Variants in TMX3 observed in about 807,000 individuals in gnomAD.
The protein encoded by TMX3 is thioredoxin related transmembrane protein 3.
A neutral mutation model predicts 64.4 loss-of-function variants in TMX3; 40 were observed. That is an observed-to-expected ratio of 0.62 (90% CI 0.48 to 0.81). The LOEUF (loss-of-function observed/expected upper bound fraction) is 0.81. TMX3 is among the 30% of genes least tolerant of loss of function. The pLI is 0.00. For synonymous variants in TMX3, 189 were observed against 175.7 expected (o/e 1.08, Z -0.60); for missense variants, 497 against 534.5 (o/e 0.93, Z 0.69).
chr18:68,687,494 G>A (rs907724656), intron 10 of TMX3, 173 bp downstream of exon 10: 1 of 985,080 alleles, frequency 1.0e-6, no homozygotes, highest in African/African-American at 1.7e-5. Flanking sequence ...ACATGCAAAG[G>A]TATATCTTCT....
intron 9 of TMX3, among the ~76,000 whole-genome samples, chr18:68,690,591 T>C (rs78321735): frequency 0.047 from 7,191 of 152,278 alleles, 452 homozygotes; most frequent in African/African-American, 0.14. Flanking sequence ...GTGGTTTATC[T>C]AAAAATAAAA....
chr18:68,687,169 T>C, intron 10 of TMX3: 1 of 985,310 alleles, frequency 1.0e-6, no homozygotes, highest in Non-Finnish European at 1.2e-6. Context: ...ATTTTTATAG[T>C]TTGCATCTGA....
At chr18:68,688,091 T>C (rs758771840) in intron 9 of TMX3, 4 of 172,552 alleles carry the variant, frequency 2.3e-5, no homozygotes, top group Middle Eastern at 2.7e-3. Flanking sequence ...AAACTTATAA[T>C]TGAACAGATT....
chr18:68,701,509 G>T, intron 5 of TMX3: 1 of 801,218 alleles, frequency 1.2e-6, no homozygotes, highest in Non-Finnish European at 1.9e-6. Context: ...GTCCTGCACA[G>T]TGCGTGTCAC....
Position 68,676,749 on chromosome 18 carries a change from G to A in TMX3, c.*184C>T. 1.4e-6 allele frequency: 1 copy of A among 693,350 alleles called. No individual in the cohort carries two copies. Among genetic ancestry groups the A allele is most frequent in the Non-Finnish European group, 2.3e-6 (1 of 428,838 alleles). The allele number at this position is 693,350 out of a possible 1,614,324, so 42.9% of individuals were successfully genotyped here. Reference sequence around the variant, plus strand: ...GCTCTGTGTTTGTTTCAGACAAACTGTTCATCTCTTTGCTCCAAACACTTC... The same window carrying A: ...GCTCTGTGTTTGTTTCAGACAAACTATTCATCTCTTTGCTCCAAACACTTC... On this transcript the variant is annotated 3_prime_UTR_variant, in exon 16 of 16. Coordinates refer to ENST00000299608, the MANE Select transcript of TMX3 (RefSeq NM_019022.5).
At chr18:68,693,319 T>C (rs1001730365) in intron 8 of TMX3, among the ~76,000 whole-genome samples, 1 of 152,086 alleles carries the variant, frequency 6.6e-6, no homozygotes, top group Non-Finnish European at 1.5e-5. Flanking sequence ...TCCTACCTGC[T>C]ACCAAGTTCG....
Position 68,697,311 on chromosome 18 carries a change from G to A in TMX3, c.493-8C>T. On this transcript the variant is annotated splice_region_variant and splice_polypyrimidine_tract_variant and intron_variant, in intron 7 of 15. Coordinates refer to ENST00000299608, the MANE Select transcript of TMX3 (RefSeq NM_019022.5). ...AGCATCTATGTATTTCTCCTATGAA[G>A]ATACAAACAGAAAAAAGATCATTGA... 1 of 1,479,866 alleles carries A rather than the reference G, an allele frequency of 6.8e-7. No individual in the cohort carries two copies. The highest frequency in any genetic ancestry group is 9.1e-7 in the Non-Finnish European group (1 of 1,094,180). The allele number at this position is 1,479,866 out of a possible 1,614,324, so 91.7% of individuals were successfully genotyped here.
At chr18:68,697,334 T>A in intron 7 of TMX3, 31 bp from the exon 8 acceptor site, 1 of 1,384,606 alleles carries the variant, frequency 7.2e-7, no homozygotes, top group Non-Finnish European at 9.9e-7. Flanking sequence ...AAAAGATCAT[T>A]GAAAAATATT....
intron 8 of TMX3, among the ~76,000 whole-genome samples, chr18:68,696,210 G>A (rs1915057283): frequency 6.6e-6 from 1 of 152,118 alleles, no homozygotes; most frequent in Non-Finnish European, 1.5e-5. Flanking sequence ...GTCTCACTCT[G>A]TCGCCCAGGC....
At position 68,676,951 on chromosome 18, in the gene TMX3, T is replaced by C. The variant is rs769144543; in HGVS notation, c.1347A>G (p.Leu449=). ...VPTVQEPKDV[L]EKKKD ...TCAAGTCTCAATCTTTCTTCTTTTCTAATACATCCTTGGGCTCCTGCACTG... is the reference window on the plus strand; with the variant it reads ...TCAAGTCTCAATCTTTCTTCTTTTCCAATACATCCTTGGGCTCCTGCACTG... The change falls in exon 16 of 16, where the codon TTA becomes TTG. Residue 449 remains leucine, a synonymous_variant. Transcript: ENST00000299608. 8 of 1,612,536 alleles carry C rather than the reference T, an allele frequency of 5.0e-6. No individual in the cohort carries two copies. Among genetic ancestry groups the C allele is most frequent in the Non-Finnish European group, 6.8e-6 (8 of 1,179,514 alleles).
Position 68,674,443 on chromosome 18 carries a change from A to C in TMX3, c.*2490T>G, listed in dbSNP as rs1267978841. The C allele has an allele frequency of 6.6e-6, 1 of 151,072 alleles. No individual in the cohort carries two copies. The highest frequency in any genetic ancestry group is 1.5e-5 in the Non-Finnish European group (1 of 67,696). 9.4% of individuals were successfully genotyped at this position (151,072 alleles called of 1,614,324 possible). Reference sequence around the variant, plus strand: ...TCCGAATTTTAGAAGTTATAAAGAGAACTTCACTGCAATTAAAAGAGAAGG... The same window carrying C: ...TCCGAATTTTAGAAGTTATAAAGAGCACTTCACTGCAATTAAAAGAGAAGG... On this transcript the variant is annotated 3_prime_UTR_variant, in exon 16 of 16. Transcript: ENST00000299608.
chr18:68,701,285 A>G (rs1202127497), intron 5 of TMX3, among the ~76,000 whole-genome samples: 1 of 152,174 alleles, frequency 6.6e-6, no homozygotes, highest in African/African-American at 2.4e-5. Context: ...CATTACCAAA[A>G]TAAGATTAAT....
At chr18:68,678,318 G>A (rs1913114236) in intron 15 of TMX3, among the ~76,000 whole-genome samples, 1 of 152,106 alleles carries the variant, frequency 6.6e-6, no homozygotes, top group Non-Finnish European at 1.5e-5. Context: ...AGCTCGAGAA[G>A]GACAACAGGA....
At chr18:68,697,111 T>A (rs1016253480) in intron 8 of TMX3, 115 bp downstream of exon 8, 7 of 615,826 alleles carry the variant, frequency 1.1e-5, no homozygotes, top group Non-Finnish European at 1.9e-5. Flanking sequence ...AGTAAATAAA[T>A]CTGATATTAA....
intron 9 of TMX3, chr18:68,688,038 A>G (rs1014528132): frequency 8.9e-6 from 2 of 224,362 alleles, no homozygotes; most frequent in Non-Finnish European, 1.7e-5. Flanking sequence ...ATTTAAATAA[A>G]TTTTGGTATA....
Position 68,678,143 on chromosome 18 carries a change from G to C in TMX3, c.1105-950C>G, listed in dbSNP as rs542470124. Among the ~76,000 whole-genome samples, 3 of 152,212 alleles carry C rather than the reference G, an allele frequency of 2.0e-5. No individual in the cohort carries two copies. In the East Asian group the frequency reaches 5.8e-4, roughly 29 times the overall value. ...AGAGACCAGCAGCTAGACAGAATGT[G>C]ATTAGGGCCTAATCCATGCTCGTGG... On this transcript the variant is annotated intron_variant, in intron 15 of 15. Coordinates refer to ENST00000299608, the MANE Select transcript of TMX3 (RefSeq NM_019022.5).
At position 68,707,921 on chromosome 18, in the gene TMX3, GTA is replaced by G. The variant is rs545259968; in HGVS notation, c.265+2098_265+2099del. Among the ~76,000 whole-genome samples the G allele has an allele frequency of 8.6e-4, 129 of 150,042 alleles. 1 individual carries two copies. The East Asian group carries it at 0.016, about 18-fold the overall frequency. On this transcript the variant is annotated intron_variant, in intron 4 of 15. Transcript: ENST00000299608. ...ACATCTAATCAACATATATATGTGT[GTA>G]TATGTGTATATATGTGTATATATAT...
At chr18:68,702,936 G>A (rs986771349) in intron 4 of TMX3, among the ~76,000 whole-genome samples, 4 of 152,284 alleles carry the variant, frequency 2.6e-5, no homozygotes, top group Admixed American at 2.0e-4. Flanking sequence ...TGGCCGACAC[G>A]TATCTTCCTA....
chr18:68,712,563 T>A (rs1201404221), intron 2 of TMX3, among the ~76,000 whole-genome samples: 1 of 151,994 alleles, frequency 6.6e-6, no homozygotes, highest in Non-Finnish European at 1.5e-5. Flanking sequence ...AAAGGTCCCC[T>A]TTTTCAGCAT....
Sources: allele counts gnomAD v4.1 joint callset (sites outside exome capture counted in the v4.1 genomes callset), GRCh38; gene constraint gnomAD v4.1.1; transcripts MANE v1.5; gene names NCBI Gene and HGNC (gene_info 2026-07-23, HGNC 2026-07-21).